The following REEP1 variants were observed in gnomAD, a reference collection of about 807,000 sequenced individuals.
REEP1 encodes receptor expression-enhancing protein 1.
Under a neutral mutation model 40.3 loss-of-function variants are expected in REEP1, and 22 were observed. The observed-to-expected ratio is 0.55, with a 90% CI of 0.39 to 0.78. REEP1 has a LOEUF of 0.78. Ranked by LOEUF, REEP1 falls within the 30% of genes least tolerant of loss-of-function variation. The pLI, the probability that REEP1 is intolerant of heterozygous loss-of-function variation, is 0.00. For synonymous variants in REEP1, 116 were observed against 139.2 expected, an observed-to-expected ratio of 0.83 and a Z score of 1.17; for missense variants, 280 against 361.1, an observed-to-expected ratio of 0.78 and a Z score of 1.82.
chr2:86,294,496 A>C (rs1272771250), intron 1 of REEP1, among the ~76,000 whole-genome samples: 1 of 152,204 alleles, frequency 6.6e-6, no homozygotes, highest in Non-Finnish European at 1.5e-5. Context: ...ATAATCTTTC[A>C]ATTTATATCT....
At chr2:86,219,270 G>C (rs1321898917) in intron 8 of REEP1, among the ~76,000 whole-genome samples, 1 of 152,116 alleles carries the variant, frequency 6.6e-6, no homozygotes, top group Admixed American at 6.6e-5. Context: ...AACAAGCCTT[G>C]TTCTTATTTA....
chr2:86,288,595 T>C (rs1243711019), intron 1 of REEP1, among the ~76,000 whole-genome samples: 1 of 152,230 alleles, frequency 6.6e-6, no homozygotes, highest in East Asian at 1.9e-4. Context: ...ACATGTCTCC[T>C]TGGGCACATT....
intron 2 of REEP1, among the ~76,000 whole-genome samples, chr2:86,270,351 C>T (rs909713019): frequency 6.6e-6 from 1 of 152,182 alleles, no homozygotes; most frequent in African/African-American, 2.4e-5. Flanking sequence ...CATGCGCCAC[C>T]ACGCCTGGCT....
At position 86,337,403 on chromosome 2, in the gene REEP1, T is replaced by C. The variant is rs1021511627; in HGVS notation, c.32+76A>G. The C allele has an allele frequency of 1.4e-5, 14 of 1,031,348 alleles. No homozygotes were observed. Among genetic ancestry groups the C allele is most frequent in the Non-Finnish European group, 1.6e-5 (13 of 814,984 alleles). 63.9% of individuals were successfully genotyped at this position (1,031,348 alleles called of 1,614,324 possible). On this transcript the variant is annotated intron_variant, in intron 1 of 8. Coordinates refer to ENST00000538924, the MANE Select transcript of REEP1 (RefSeq NM_001371279.1). The surrounding 1 kb of genome is among the most constrained non-coding windows in gnomAD (Gnocchi z 5.8). ...AGCCCGAGCCACTGGGACCGGGCGC[T>C]GTAGGGGCGCGCGCAGCCCGGGGCC...
intron 6 of REEP1, 74 bp from the exon 7 acceptor site, chr2:86,227,472 G>T: frequency 8.4e-7 from 1 of 1,191,478 alleles, no homozygotes; most frequent in South Asian, 4.2e-5. Flanking sequence ...CAAACAGGGA[G>T]GCCCTGGAGA....
At chr2:86,294,567 T>C (rs992140692) in intron 1 of REEP1, among the ~76,000 whole-genome samples, 2 of 152,210 alleles carry the variant, frequency 1.3e-5, no homozygotes. Context: ...CTCAATTTAT[T>C]CAATCCATTG....
intron 5 of REEP1, among the ~76,000 whole-genome samples, chr2:86,235,042 C>T (rs1253493926): frequency 1.3e-5 from 2 of 152,214 alleles, no homozygotes; most frequent in African/African-American, 4.8e-5. Flanking sequence ...GCAAACTGTT[C>T]ACTGACTCAC....
chr2:86,237,784 A>T (rs930591337), intron 5 of REEP1, among the ~76,000 whole-genome samples: 1 of 152,126 alleles, frequency 6.6e-6, no homozygotes, highest in Non-Finnish European at 1.5e-5. Flanking sequence ...TGGTCTCCCA[A>T]AGTGCTGGAA....
Position 86,229,635 on chromosome 2 carries a change from G to T in REEP1, c.596-2237C>A, listed in dbSNP as rs990659514. On this transcript the variant is annotated intron_variant, in intron 6 of 8. Transcript: ENST00000538924. Reference sequence around the variant, plus strand: ...TTTTTTTTTTTTTTTTAAAGATGGAGTTTCACTCTTGTTGCCCAGACTGGA... The same window carrying T: ...TTTTTTTTTTTTTTTTAAAGATGGATTTTCACTCTTGTTGCCCAGACTGGA... Among the ~76,000 whole-genome samples the T allele has an allele frequency of 1.4e-3, 181 of 130,044 alleles. 2 individuals carry two copies. The highest frequency in any genetic ancestry group is 2.2e-3 in the Non-Finnish European group (141 of 63,674). The allele number at this position is 130,044 out of a possible 152,430, so 85.3% of individuals were successfully genotyped here. A position where few individuals can be genotyped will look rare whatever the true frequency, so the allele number is the denominator to read the frequency against.
intron 5 of REEP1, among the ~76,000 whole-genome samples, chr2:86,245,345 CTT>C (rs1457545629): frequency 6.6e-6 from 1 of 152,184 alleles, no homozygotes; most frequent in African/African-American, 2.4e-5. Flanking sequence ...GACCTGCTCT[CTT>C]ATCTGTAAAC....
chr2:86,245,360 T>C (rs1675879479), intron 5 of REEP1, among the ~76,000 whole-genome samples: 1 of 152,160 alleles, frequency 6.6e-6, no homozygotes. Context: ...CTGTAAACAC[T>C]GTGTTCAAGG....
chr2:86,231,712 A>C (rs987019099), intron 6 of REEP1, among the ~76,000 whole-genome samples: 2 of 149,428 alleles, frequency 1.3e-5, no homozygotes, highest in African/African-American at 4.9e-5. Context: ...CCACCCCCCC[A>C]CCATCAGTCC....
At chr2:86,324,681 G>C (rs1286794300) in intron 1 of REEP1, among the ~76,000 whole-genome samples, 1 of 152,110 alleles carries the variant, frequency 6.6e-6, no homozygotes, top group African/African-American at 2.4e-5. Flanking sequence ...AATGACACAG[G>C]ATAAAAAGCC....
chr2:86,275,692 G>A (rs947193580), intron 2 of REEP1, among the ~76,000 whole-genome samples: 6 of 152,142 alleles, frequency 3.9e-5, no homozygotes, highest in African/African-American at 1.2e-4. Flanking sequence ...CCCACTCTCC[G>A]TCAGCCTCCT....
chr2:86,245,665 C>T (rs553876978), intron 5 of REEP1, among the ~76,000 whole-genome samples: 10 of 152,112 alleles, frequency 6.6e-5, no homozygotes, highest in African/African-American at 2.4e-4. Flanking sequence ...TGGCTCCCAC[C>T]TTTAGGAACT....
At chr2:86,284,617 G>A (rs1332930868) in intron 1 of REEP1, among the ~76,000 whole-genome samples, 1 of 152,244 alleles carries the variant, frequency 6.6e-6, no homozygotes, top group Non-Finnish European at 1.5e-5. Flanking sequence ...CTCAGGCACA[G>A]GTGCCATGGT....
chr2:86,220,707 G>T lies in REEP1; in HGVS notation c.632-586C>A, dbSNP rs201202389. On this transcript the variant is annotated intron_variant, in intron 7 of 8. Transcript: ENST00000538924. The stretch of plus-strand genomic sequence containing the variant: ...ACAAAGCTATATAGTTTTTTTGTTT[G>T]TTTTTTTTTTTGCGAAGGCCCAGTC... Among the ~76,000 whole-genome samples, 918 of 145,992 alleles carry T rather than the reference G, an allele frequency of 6.3e-3. 17 individuals carry two copies. Among genetic ancestry groups the T allele is most frequent in the African/African-American group, 0.021 (856 of 39,834 alleles).
intron 2 of REEP1, among the ~76,000 whole-genome samples, chr2:86,274,009 G>C (rs1169022554): frequency 6.6e-6 from 1 of 152,150 alleles, no homozygotes; most frequent in Non-Finnish European, 1.5e-5. Context: ...ACTGTGAATG[G>C]GACAGAAAGA....
intron 1 of REEP1, among the ~76,000 whole-genome samples, chr2:86,296,457 C>T (rs573336081): frequency 2.6e-5 from 4 of 152,326 alleles, no homozygotes; most frequent in Admixed American, 1.3e-4. Flanking sequence ...CTTCTTTGAT[C>T]GCACAAAATT....
Sources: allele counts gnomAD v4.1 joint callset (sites outside exome capture counted in the v4.1 genomes callset), GRCh38; gene constraint gnomAD v4.1.1; non-coding constraint Gnocchi (gnomAD v3.1); transcripts MANE v1.5; gene names NCBI Gene and HGNC (gene_info 2026-07-23, HGNC 2026-07-21).